The following DLC1 variants were observed in gnomAD, a reference collection of about 807,000 sequenced individuals.
DLC1 encodes DLC1 Rho GTPase activating protein, also known as rho GTPase-activating protein 7.
Under a neutral mutation model 140.3 loss-of-function variants are expected in DLC1, and 54 were observed. The observed-to-expected ratio is 0.38, with a 90% CI of 0.31 to 0.48. The LOEUF (loss-of-function observed/expected upper bound fraction) is 0.48. Among genes scored for constraint, DLC1 ranks in the 20% least tolerant of loss-of-function variants. The pLI is 0.96. For synonymous variants in DLC1, 986 were observed against 728.1 expected (o/e 1.35, Z -5.70); for missense variants, 2,536 against 1,907.0 (o/e 1.33, Z -6.14).
chr8:13,162,261 G>A (rs1412627544), intron 5 of DLC1, among the ~76,000 whole-genome samples: 3 of 152,256 alleles, frequency 2.0e-5, no homozygotes, highest in Admixed American at 1.3e-4. Flanking sequence ...GAAGAATATC[G>A]AAATGAAAGC....
At chr8:13,572,791 G>A (rs1041479029) in intron 1 of DLC1, among the ~76,000 whole-genome samples, 9 of 152,220 alleles carry the variant, frequency 5.9e-5, no homozygotes, top group Non-Finnish European at 8.8e-5. Context: ...GTTGGTCATA[G>A]AAATAAGAGT....
At position 13,552,111 on chromosome 8, in the gene DLC1, G is replaced by GTGTATATATATATA. The variant is rs1279225632; in HGVS notation, c.-125-51916_-125-51915insTATATATATATACA. ...TATATGTATGTACCTGTCTAGAGGT[G>GTGTATATATATATA]TATATATATATATATATATATATAT... On this transcript the variant is annotated intron_variant, in intron 1 of 1. Coordinates refer to the DLC1 transcript ENST00000631382. Among the ~76,000 whole-genome samples, 255 of 54,520 alleles carry GTGTATATATATATA rather than the reference G, an allele frequency of 4.7e-3. 4 individuals are homozygous for GTGTATATATATATA. Among genetic ancestry groups the GTGTATATATATATA allele is most frequent in the Non-Finnish European group, 6.2e-3 (187 of 30,126 alleles). 35.8% of individuals were successfully genotyped at this position (54,520 alleles called of 152,430 possible).
rs1340365544 is a variant in DLC1, at chr8:13,453,465, TATATAC to T, written c.1023+45578_1023+45583del. Among the ~76,000 whole-genome samples, 23 of 29,266 alleles carry T rather than the reference TATATAC, an allele frequency of 7.9e-4. 1 individual carries two copies. The highest frequency in any genetic ancestry group is 2.4e-3 in the African/African-American group (14 of 5,800). The allele number at this position is 29,266 out of a possible 152,430, so 19.2% of individuals were successfully genotyped here. A position where few individuals can be genotyped will look rare whatever the true frequency, so the allele number is the denominator to read the frequency against. On this transcript the variant is annotated intron_variant, in intron 2 of 17. Transcript: ENST00000276297. ...ATATATATACATATATATATGTATATATATACATATATATGTATATATATACATATA... is the reference window on the plus strand; with the variant it reads ...ATATATATACATATATATATGTATATATATATATGTATATATATACATATA...
intron 2 of DLC1, among the ~76,000 whole-genome samples, chr8:13,490,011 C>A (rs1274815375): frequency 6.7e-6 from 1 of 149,930 alleles, no homozygotes; most frequent in Admixed American, 6.7e-5. Context: ...CTGTTTTCTC[C>A]ATTTTCCAGG....
At chr8:13,475,823 A>T (rs1800410826) in intron 2 of DLC1, among the ~76,000 whole-genome samples, 1 of 152,194 alleles carries the variant, frequency 6.6e-6, no homozygotes. Flanking sequence ...TGGGAAGGAG[A>T]CTATGCATGC....
At chr8:13,237,471 T>G (rs150707440) in intron 5 of DLC1, among the ~76,000 whole-genome samples, 100 of 152,060 alleles carry the variant, frequency 6.6e-4, no homozygotes, top group Admixed American at 1.8e-3. Context: ...GATTATTTCT[T>G]TATTTCAATA....
At chr8:13,209,574 T>G (rs899893899) in intron 5 of DLC1, among the ~76,000 whole-genome samples, 1 of 152,146 alleles carries the variant, frequency 6.6e-6, no homozygotes, top group African/African-American at 2.4e-5. Context: ...CATGTTGAAA[T>G]GTAATCCTCA....
chr8:13,157,084 C>A (rs145365334), intron 5 of DLC1, among the ~76,000 whole-genome samples: 3 of 152,158 alleles, frequency 2.0e-5, no homozygotes, highest in Non-Finnish European at 4.4e-5. Context: ...CTTTGTCATG[C>A]GTGTCACGCT....
intron 5 of DLC1, among the ~76,000 whole-genome samples, chr8:13,118,966 C>T (rs975114643): frequency 2.0e-5 from 3 of 152,106 alleles, no homozygotes; most frequent in Non-Finnish European, 2.9e-5. Context: ...CGGTGACTCA[C>T]GTTTGTAGTC....
chr8:13,088,647 G>A lies in DLC1; in HGVS notation c.4132C>T (p.Pro1378Ser). The A allele has an allele frequency of 6.2e-7, 1 of 1,614,096 alleles. No homozygotes were observed. Among genetic ancestry groups the A allele is most frequent in the Non-Finnish European group, 8.5e-7 (1 of 1,180,034 alleles). The change falls in exon 16 of 18, where the codon CCA becomes TCA. Residue 1378 changes from proline (P) to serine (S), a missense_variant. Transcript: ENST00000276297. Reference protein sequence around the residue: ...WRSVIEVPAVPEEILKRLLKE... With the variant: ...WRSVIEVPAVSEEILKRLLKE... The stretch of plus-strand genomic sequence containing the variant: ...AGTAGGCGCTTTAAGATTTCCTCTG[G>A]CACAGCAGGGACTTCAATGACTGAC...
intron 1 of DLC1, among the ~76,000 whole-genome samples, chr8:13,566,217 G>C (rs1329502610): frequency 6.6e-6 from 1 of 152,140 alleles, no homozygotes; most frequent in Admixed American, 6.5e-5. Context: ...CCCTTCCTGA[G>C]GAAATGGGAC....
At chr8:13,215,535 A>C (rs1828154763) in intron 5 of DLC1, among the ~76,000 whole-genome samples, 1 of 152,176 alleles carries the variant, frequency 6.6e-6, no homozygotes, top group Admixed American at 6.5e-5. Flanking sequence ...TCAGTTAGCC[A>C]AGATCACGCC....
At chr8:13,404,722 G>A (rs1837448073) in intron 2 of DLC1, among the ~76,000 whole-genome samples, 1 of 152,026 alleles carries the variant, frequency 6.6e-6, no homozygotes, top group Non-Finnish European at 1.5e-5. Flanking sequence ...TCTGGGCCAG[G>A]CATGGTGGCT....
chr8:13,153,369 G>A (rs76603144), intron 5 of DLC1, among the ~76,000 whole-genome samples: 3,525 of 152,286 alleles, frequency 0.023, 135 homozygotes, highest in African/African-American at 0.08. Flanking sequence ...CTGGCCTCAG[G>A]AGTGAAGCTG....
At chr8:13,198,973 T>C (rs1827222451) in intron 5 of DLC1, among the ~76,000 whole-genome samples, 1 of 152,054 alleles carries the variant, frequency 6.6e-6, no homozygotes, top group South Asian at 2.1e-4. Context: ...CGCCTTGGCC[T>C]CCCAAGGTGC....
chr8:13,182,713 G>C (rs138041479), intron 5 of DLC1, among the ~76,000 whole-genome samples: 2,577 of 152,208 alleles, frequency 0.017, 66 homozygotes, highest in African/African-American at 0.059. Context: ...ATGCTGTTTT[G>C]GTTACTGTAG....
At chr8:13,214,885 G>A (rs1454900157) in intron 5 of DLC1, 17 of 689,040 alleles carry the variant, frequency 2.5e-5, no homozygotes, top group Admixed American at 1.1e-4. Context: ...TTTTGTAAGC[G>A]CCTTGCTCCA....
intron 1 of DLC1, among the ~76,000 whole-genome samples, chr8:13,522,734 A>G (rs578148061): frequency 3.0e-4 from 46 of 152,274 alleles, no homozygotes; most frequent in Non-Finnish European, 5.9e-4. Flanking sequence ...GAAAATGCAG[A>G]GCATGCTAAG....
chr8:13,443,776 A>T (rs1798653136), intron 2 of DLC1, among the ~76,000 whole-genome samples: 1 of 152,206 alleles, frequency 6.6e-6, no homozygotes. Flanking sequence ...GCTTTTCATG[A>T]TAAGTAGCAT....
Sources: gnomAD v4.1 joint callset for allele counts (sites outside exome capture counted in the v4.1 genomes callset) on GRCh38, gnomAD v4.1.1 for gene constraint, MANE v1.5 for transcripts, NCBI Gene and HGNC (gene_info 2026-07-23, HGNC 2026-07-21) for gene names.